SGTB: variants seen among roughly 807,000 people sequenced by gnomAD.
SGTB encodes the protein small glutamine-rich tetratricopeptide repeat-containing protein beta.
Under a neutral mutation model 43.9 loss-of-function variants are expected in SGTB, and 19 were observed. The ratio of observed to expected loss-of-function variants is 0.43; its 90% CI spans 0.30 to 0.63. The LOEUF (loss-of-function observed/expected upper bound fraction) is 0.63. SGTB is among the 30% of genes least tolerant of loss of function. The pLI is 0.12. For missense variants in SGTB, 304 were observed against 358.9 expected (o/e 0.85, Z 1.24); for synonymous variants, 116 against 117.3 (o/e 0.99, Z 0.07).
chr5:65,701,325 G>A (rs1337574437), intron 5 of SGTB, among the ~76,000 whole-genome samples: 5 of 151,962 alleles, frequency 3.3e-5, no homozygotes, highest in African/African-American at 7.2e-5. Context: ...AACAAGTTTC[G>A]AATGGGTTAA....
intron 5 of SGTB, among the ~76,000 whole-genome samples, chr5:65,700,954 G>C (rs979046660): frequency 7.6e-5 from 9 of 118,958 alleles, no homozygotes; most frequent in African/African-American, 1.0e-4. Context: ...AGGTTGCAGT[G>C]AACCAATATC....
chr5:65,696,218 A>G (rs758644659), intron 5 of SGTB, among the ~76,000 whole-genome samples: 3 of 152,124 alleles, frequency 2.0e-5, no homozygotes, highest in Non-Finnish European at 4.4e-5. Flanking sequence ...ATCCGACTCC[A>G]GTTCTCCATC....
chr5:65,711,010 A>G (rs912626139), intron 3 of SGTB, among the ~76,000 whole-genome samples: 1 of 151,012 alleles, frequency 6.6e-6, no homozygotes, highest in Non-Finnish European at 1.5e-5. Context: ...AAAAAAAAAA[A>G]AAAAAATAGC....
chr5:65,704,035 CAAAAA>C (rs11405488), intron 5 of SGTB, among the ~76,000 whole-genome samples: 2 of 133,370 alleles, frequency 1.5e-5, no homozygotes, highest in African/African-American at 5.4e-5. Flanking sequence ...GACTCCGTCT[CAAAAA>C]AAAAAAAAAA....
At chr5:65,699,464 A>G (rs1428744455) in intron 5 of SGTB, among the ~76,000 whole-genome samples, 1 of 152,224 alleles carries the variant, frequency 6.6e-6, no homozygotes, top group African/African-American at 2.4e-5. Context: ...TAGTTTCACT[A>G]AAATCTCAGA....
intron 5 of SGTB, among the ~76,000 whole-genome samples, chr5:65,693,069 C>G (rs1170422726): frequency 6.6e-6 from 1 of 151,868 alleles, no homozygotes; most frequent in African/African-American, 2.4e-5. Context: ...GCTGGGTGTC[C>G]CGTGGTCCCT....
chr5:65,713,373 G>C (rs1308201489), intron 2 of SGTB, among the ~76,000 whole-genome samples: 3 of 151,894 alleles, frequency 2.0e-5, no homozygotes, highest in Non-Finnish European at 4.4e-5. Flanking sequence ...CCAGGCTGGA[G>C]TGCAGTGGCA....
At position 65,720,790 on chromosome 5, in the gene SGTB, G is replaced by A; in HGVS notation, c.18C>T (p.His6=). The A allele has an allele frequency of 6.2e-7, 1 of 1,613,590 alleles. No individual in the cohort carries two copies. Among genetic ancestry groups the A allele is most frequent in the Non-Finnish European group, 8.5e-7 (1 of 1,179,872 alleles). ...AGAAACGAATAACTGCATAAACCAG[G>A]TGCTTGATAGATGACATTTTAGAAG... The part of the protein sequence containing the change: MSSIK[H]LVYAVIRFLR... Residue 6 remains histidine, a synonymous_variant, in exon 2 of 11, where the codon CAC becomes CAT. Coordinates refer to ENST00000381007, the MANE Select transcript of SGTB (RefSeq NM_019072.3).
Position 65,722,060 on chromosome 5 carries a change from G to T in SGTB, c.-166C>A, listed in dbSNP as rs1297905901. The T allele has an allele frequency of 6.2e-6, 1 of 160,038 alleles. No homozygotes were observed. The highest frequency in any genetic ancestry group is 1.4e-5 in the Non-Finnish European group (1 of 73,300). 9.9% of individuals were successfully genotyped at this position (160,038 alleles called of 1,614,324 possible). ...CGCAAACTTCCCCGGCCCCTAGGCC[G>T]TAGACCCCAGAACCCACCAGGCTGT... On this transcript the variant is annotated 5_prime_UTR_variant, in exon 1 of 11. Coordinates refer to ENST00000381007, the MANE Select transcript of SGTB (RefSeq NM_019072.3).
chr5:65,704,045 A>AAAAAAAT (rs1554025698), intron 5 of SGTB, among the ~76,000 whole-genome samples: 2 of 125,296 alleles, frequency 1.6e-5, no homozygotes, highest in East Asian at 4.0e-4. Context: ...CAAAAAAAAA[A>AAAAAAAT]AAAAAAATAA....
intron 5 of SGTB, among the ~76,000 whole-genome samples, chr5:65,702,426 C>CCTGAACCCATGGGTT (rs1757843363): frequency 1.3e-5 from 2 of 152,176 alleles, no homozygotes; most frequent in Non-Finnish European, 2.9e-5. Context: ...AAATCTCCTG[C>CCTGAACCCATGGGTT]CAGTACCTCC....
intron 5 of SGTB, among the ~76,000 whole-genome samples, chr5:65,702,046 A>G (rs1463983173): frequency 6.6e-6 from 1 of 152,210 alleles, no homozygotes; most frequent in East Asian, 1.9e-4. Context: ...GTTGGACAGT[A>G]CAGATATAGA....
Position 65,670,191 on chromosome 5 carries a change from T to C in SGTB, c.*55A>G. The C allele has an allele frequency of 3.9e-6, 6 of 1,520,792 alleles. No homozygotes were observed. The highest frequency in any genetic ancestry group is 5.5e-6 in the Non-Finnish European group (6 of 1,098,814). The allele number at this position is 1,520,792 out of a possible 1,614,324, so 94.2% of individuals were successfully genotyped here. A position where few individuals can be genotyped will look rare whatever the true frequency, so the allele number is the denominator to read the frequency against. ...GGGAGGGGGTACTATCTACAACAAA[T>C]ACTTCATTCATAGCCATAAACCATT... On this transcript the variant is annotated 3_prime_UTR_variant, in exon 11 of 11. Transcript: ENST00000381007.
intron 8 of SGTB, 112 bp downstream of exon 8, chr5:65,680,382 T>C: frequency 9.8e-7 from 1 of 1,024,404 alleles, no homozygotes; most frequent in East Asian, 2.6e-5. Context: ...CTTATATCAA[T>C]ACTCCACTAC....
intron 5 of SGTB, among the ~76,000 whole-genome samples, chr5:65,687,745 A>G (rs1171189751): frequency 1.3e-5 from 2 of 152,082 alleles, no homozygotes; most frequent in Non-Finnish European, 2.9e-5. Flanking sequence ...AATCCTACCA[A>G]CTCAGGGAGT....
intron 5 of SGTB, among the ~76,000 whole-genome samples, chr5:65,702,684 A>C (rs1304011270): frequency 1.1e-4 from 16 of 152,198 alleles, no homozygotes; most frequent in Admixed American, 1.0e-3. Flanking sequence ...CACCTTCCAA[A>C]GGTTCCACCT....
At chr5:65,685,278 A>T in intron 6 of SGTB, 90 bp downstream of exon 6, 1 of 1,087,824 alleles carries the variant, frequency 9.2e-7, no homozygotes, top group Non-Finnish European at 1.4e-6. Flanking sequence ...CAGAGGGTAA[A>T]ACATTAAGCA....
chr5:65,670,133 C>T lies in SGTB; in HGVS notation c.*113G>A. 5.1e-6 allele frequency: 4 copies of T among 780,592 alleles called. No homozygotes were observed. Among genetic ancestry groups the T allele is most frequent in the Non-Finnish European group, 8.2e-6 (4 of 485,416 alleles). 48.4% of individuals were successfully genotyped at this position (780,592 alleles called of 1,614,324 possible). A position where few individuals can be genotyped will look rare whatever the true frequency, so the allele number is the denominator to read the frequency against. On this transcript the variant is annotated 3_prime_UTR_variant, in exon 11 of 11. Transcript: ENST00000381007. ...AAGAGGTTTTCCTCCATTATTTTCACACATCAGATATGGTGTTTGGTTTTT... is the reference window on the plus strand; with the variant it reads ...AAGAGGTTTTCCTCCATTATTTTCATACATCAGATATGGTGTTTGGTTTTT...
Position 65,668,926 on chromosome 5 carries a change from T to A in SGTB, c.*1320A>T, listed in dbSNP as rs1344686823. 6.6e-6 allele frequency: 1 copy of A among 152,074 alleles called. No individual in the cohort carries two copies. Among genetic ancestry groups the A allele is most frequent in the African/African-American group, 2.4e-5 (1 of 41,418 alleles). 9.4% of individuals were successfully genotyped at this position (152,074 alleles called of 1,614,324 possible). The stretch of plus-strand genomic sequence containing the variant: ...TCTCAAAAAAACCCCACAAAATTTA[T>A]ATTACTTCCTTTTTCAGTTTTCCCT... On this transcript the variant is annotated 3_prime_UTR_variant, in exon 11 of 11. Coordinates refer to ENST00000381007, the MANE Select transcript of SGTB (RefSeq NM_019072.3).
Sources: allele counts gnomAD v4.1 joint callset (sites outside exome capture counted in the v4.1 genomes callset), GRCh38; gene constraint gnomAD v4.1.1; transcripts MANE v1.5; gene names NCBI Gene and HGNC (gene_info 2026-07-23, HGNC 2026-07-21).